MRAP2: variants seen among roughly 807,000 people sequenced by gnomAD.
MRAP2 encodes melanocortin-2 receptor accessory protein 2.
Under a neutral mutation model 17.4 loss-of-function variants are expected in MRAP2, and 20 were observed. The observed-to-expected ratio is 1.15, with a 90% CI of 0.81 to 1.67. The LOEUF is 1.67. Ranked by LOEUF, MRAP2 falls within the 40% of genes most tolerant of loss-of-function variation. MRAP2 has a pLI of 0.00. For missense variants in MRAP2, 238 were observed against 240.0 expected (o/e 0.99, Z 0.05); for synonymous variants, 96 against 88.4 (o/e 1.09, Z -0.48).
chr6:84,056,433 A>G (rs2099491727), intron 2 of MRAP2, among the ~76,000 whole-genome samples: 2 of 152,168 alleles, frequency 1.3e-5, no homozygotes, highest in Admixed American at 6.5e-5. Flanking sequence ...AAAATCATTA[A>G]TTAAACCATA....
At chr6:84,044,368 G>A (rs2099488423) in intron 1 of MRAP2, among the ~76,000 whole-genome samples, 1 of 152,172 alleles carries the variant, frequency 6.6e-6, no homozygotes, top group African/African-American at 2.4e-5. Context: ...TGTATTTTTA[G>A]TAGAGACGAG....
chr6:84,091,642 T>C (rs551062012), downstream of MRAP2, among the ~76,000 whole-genome samples: 2 of 152,308 alleles, frequency 1.3e-5, no homozygotes, highest in South Asian at 2.1e-4. Context: ...TATTTAGAAG[T>C]AGATTTATTG....
chr6:84,072,844 C>G (rs2099496535), intron 3 of MRAP2, among the ~76,000 whole-genome samples: 2 of 152,036 alleles, frequency 1.3e-5, no homozygotes, highest in Admixed American at 1.3e-4. Flanking sequence ...TGCAGGTTGT[C>G]AGGGAAGTGG....
At chr6:84,035,128 C>G (rs1441193240) in intron 1 of MRAP2, among the ~76,000 whole-genome samples, 1 of 152,176 alleles carries the variant, frequency 6.6e-6, no homozygotes, top group African/African-American at 2.4e-5. Flanking sequence ...CAGTCTGTAT[C>G]TTTCTTTTCA....
chr6:84,125,108 C>T, the MRAP2 span: 2 of 1,613,128 alleles, frequency 1.2e-6, no homozygotes, highest in South Asian at 1.1e-5. Flanking sequence ...GCAAAAGCAA[C>T]TGGCACAACC....
chr6:84,082,261 G>A (rs1203947066), intron 3 of MRAP2, among the ~76,000 whole-genome samples: 9 of 152,246 alleles, frequency 5.9e-5, no homozygotes, highest in Middle Eastern at 6.8e-3. Context: ...AATGCACAGG[G>A]CTAAAAACCT....
At chr6:84,107,871 G>A in the MRAP2 span, among the ~76,000 whole-genome samples, 2 of 152,224 alleles carry the variant, frequency 1.3e-5, no homozygotes, top group Non-Finnish European at 2.9e-5. Flanking sequence ...TACAGTAGCT[G>A]AATTAGAGTC....
chr6:84,065,472 G>A (rs905860091), intron 3 of MRAP2, among the ~76,000 whole-genome samples: 6 of 152,040 alleles, frequency 3.9e-5, no homozygotes, highest in African/African-American at 1.2e-4. Flanking sequence ...TTGGCCCAGC[G>A]AATTTGAAAA....
intron 3 of MRAP2, chr6:84,063,518 T>C: frequency 1.4e-6 from 1 of 737,494 alleles, no homozygotes; most frequent in Non-Finnish European, 1.7e-6. Flanking sequence ...GTTTACATAA[T>C]TCTCATAACA....
chr6:84,141,062 G>T, the MRAP2 span, among the ~76,000 whole-genome samples: 41 of 152,200 alleles, frequency 2.7e-4, no homozygotes, highest in Admixed American at 6.5e-4. Context: ...ATCTAATGCC[G>T]CCACTGATCT....
At chr6:84,116,960 T>C in the MRAP2 span, among the ~76,000 whole-genome samples, 5 of 152,126 alleles carry the variant, frequency 3.3e-5, no homozygotes, top group East Asian at 9.6e-4. Flanking sequence ...TCCCTTCCCT[T>C]CCCTTCTTCC....
chr6:84,059,885 G>A (rs911386350), intron 2 of MRAP2, among the ~76,000 whole-genome samples: 1 of 152,088 alleles, frequency 6.6e-6, no homozygotes, highest in Non-Finnish European at 1.5e-5. Flanking sequence ...GGAAGACAAC[G>A]GGCTCCACTT....
the MRAP2 span, among the ~76,000 whole-genome samples, chr6:84,145,086 C>T: frequency 6.6e-6 from 1 of 152,110 alleles, no homozygotes; most frequent in Non-Finnish European, 1.5e-5. Context: ...AATACATTGA[C>T]TTTCTGACGC....
At chr6:84,116,580 G>C in the MRAP2 span, among the ~76,000 whole-genome samples, 1 of 152,128 alleles carries the variant, frequency 6.6e-6, no homozygotes, top group South Asian at 2.1e-4. Flanking sequence ...TTTTCAAGGG[G>C]AATGTTTCCA....
chr6:84,076,246 C>T, intron 3 of MRAP2, among the ~76,000 whole-genome samples: 1 of 144,586 alleles, frequency 6.9e-6, no homozygotes, highest in South Asian at 2.2e-4. Context: ...TTTTTTGAGA[C>T]AGAGTCTCAC....
At chr6:84,095,955 C>T in the MRAP2 span, among the ~76,000 whole-genome samples, 2 of 152,138 alleles carry the variant, frequency 1.3e-5, no homozygotes, top group Non-Finnish European at 2.9e-5. Flanking sequence ...AACTGTATAC[C>T]TAGTGAGAGG....
In MRAP2 at chr6:84,037,240, G is replaced by A. The variant is rs1215077506; in HGVS notation, c.-8+3357G>A. Among the ~76,000 whole-genome samples, 4 of 152,004 alleles carry A rather than the reference G, an allele frequency of 2.6e-5. No individual in the cohort carries two copies. The East Asian group carries it at 7.7e-4, about 29-fold the overall frequency. ...TGACTGGTGTGTTTACAATCCTTTA[G>A]CTAGACATAAAAGTTCTCCAAGTCC... On this transcript the variant is annotated intron_variant, in intron 1 of 3. Coordinates refer to ENST00000257776, the MANE Select transcript of MRAP2 (RefSeq NM_138409.4).
intron 3 of MRAP2, among the ~76,000 whole-genome samples, chr6:84,070,137 TGG>T (rs2099495835): frequency 6.6e-6 from 1 of 152,136 alleles, no homozygotes; most frequent in African/African-American, 2.4e-5. Flanking sequence ...CTGCTGGGTT[TGG>T]GTTTGGTTTG....
the MRAP2 span, among the ~76,000 whole-genome samples, chr6:84,137,180 G>A: frequency 1.3e-5 from 2 of 152,210 alleles, no homozygotes; most frequent in Non-Finnish European, 2.9e-5. Flanking sequence ...ATGAACTGCT[G>A]TGAGAATGAC....
Sources: allele counts gnomAD v4.1 joint callset (sites outside exome capture counted in the v4.1 genomes callset), GRCh38; gene constraint gnomAD v4.1.1; transcripts MANE v1.5; gene names NCBI Gene and HGNC (gene_info 2026-07-23, HGNC 2026-07-21).